XYLT1: variants seen among roughly 807,000 people sequenced by gnomAD.
The protein encoded by XYLT1 is xylosyltransferase 1, also known as beta-D-xylosyltransferase 1.
Under a neutral mutation model 91.3 loss-of-function variants are expected in XYLT1, and 36 were observed. The observed-to-expected ratio is 0.39, with a 90% CI of 0.30 to 0.52. The LOEUF (loss-of-function observed/expected upper bound fraction) is 0.52. Among genes scored for constraint, XYLT1 ranks in the 20% least tolerant of loss-of-function variants. The pLI is 0.68. For missense variants in XYLT1, 1,242 were observed against 1,284.5 expected (o/e 0.97, Z 0.51); for synonymous variants, 588 against 532.0 (o/e 1.11, Z -1.45).
chr16:17,223,136 G>C (rs929846918), intron 3 of XYLT1, among the ~76,000 whole-genome samples: 3 of 152,040 alleles, frequency 2.0e-5, no homozygotes, highest in African/African-American at 7.2e-5. Flanking sequence ...AGACTAACCT[G>C]TCAGCCAGTA....
intron 2 of XYLT1, among the ~76,000 whole-genome samples, chr16:17,286,300 G>A (rs2034139858): frequency 6.6e-6 from 1 of 152,140 alleles, no homozygotes; most frequent in Non-Finnish European, 1.5e-5. Flanking sequence ...GTGGGTGGGA[G>A]GCTGGGGAGG....
At chr16:17,360,497 C>T (rs908058532) in intron 1 of XYLT1, among the ~76,000 whole-genome samples, 5 of 152,174 alleles carry the variant, frequency 3.3e-5, no homozygotes, top group Admixed American at 6.5e-5. Flanking sequence ...AGCACAAATG[C>T]TATCTATTTA....
intron 2 of XYLT1, among the ~76,000 whole-genome samples, chr16:17,318,979 G>T (rs990463655): frequency 3.3e-5 from 5 of 151,912 alleles, no homozygotes; most frequent in African/African-American, 1.2e-4. Flanking sequence ...GTAGAGACAG[G>T]GTTTCACCAT....
At position 17,432,952 on chromosome 16, in the gene XYLT1, T is replaced by A. The variant is rs1596543030; in HGVS notation, c.363+37482A>T. ...GATGAATTCATCTGTGGTCAGAGCA[T>A]CACTCGGGCAGAGACGGGCAGTGCC... On this transcript the variant is annotated intron_variant, in intron 1 of 11. Transcript: ENST00000261381. Among the ~76,000 whole-genome samples the A allele has an allele frequency of 2.0e-5, 3 of 152,100 alleles. No homozygotes were observed. The South Asian group carries it at 6.3e-4, about 32-fold the overall frequency.
At position 17,117,976 on chromosome 16, in the gene XYLT1, C is replaced by T. The variant is rs770314311; in HGVS notation, c.2227G>A (p.Gly743Ser). Residue 743 changes from glycine (G) to serine (S), a missense_variant, in exon 11 of 12, where the codon GGC becomes AGC. By Grantham distance (56) the Gly-to-Ser change is moderately conservative. Transcript: ENST00000261381. ...CTCTCCTTGGCATCCCAGTCAGTGC[C>T]GACCTGAAACAGGGGAGTGAATTCT... is the stretch of plus-strand genomic sequence containing the variant. The part of the protein sequence containing the change: ...DFGRLQFSEV[G>S]TDWDAKERLF... The T allele has an allele frequency of 1.2e-5, 19 of 1,606,848 alleles. No homozygotes were observed. Among genetic ancestry groups the T allele is most frequent in the South Asian group, 7.7e-5 (7 of 90,602 alleles).
chr16:17,383,933 A>C lies in XYLT1; in HGVS notation c.364-25883T>G, dbSNP rs143116596. On this transcript the variant is annotated intron_variant, in intron 1 of 11. Coordinates refer to ENST00000261381, the MANE Select transcript of XYLT1 (RefSeq NM_022166.4). ...TGGCTAATTTTTGTATTTTTAGTAG[A>C]GACAGGGTTTCGCCATGTGGGCCAG... Among the ~76,000 whole-genome samples the C allele has an allele frequency of 9.9e-4, 151 of 151,826 alleles. 1 individual carries two copies. The highest frequency in any genetic ancestry group is 3.5e-3 in the African/African-American group (146 of 41,514).
chr16:17,427,964 C>T (rs573401804), intron 1 of XYLT1, among the ~76,000 whole-genome samples: 23 of 152,076 alleles, frequency 1.5e-4, no homozygotes, highest in African/African-American at 4.8e-4. Flanking sequence ...ACAGTACTAC[C>T]GGAGAGGCGG....
At chr16:17,331,911 C>T (rs2034903726) in intron 2 of XYLT1, among the ~76,000 whole-genome samples, 1 of 152,230 alleles carries the variant, frequency 6.6e-6, no homozygotes, top group Non-Finnish European at 1.5e-5. Context: ...GGTCCTCTAG[C>T]CAGACAGCCT....
At chr16:17,460,209 C>T (rs2036799378) in intron 1 of XYLT1, among the ~76,000 whole-genome samples, 1 of 152,148 alleles carries the variant, frequency 6.6e-6, no homozygotes, top group African/African-American at 2.4e-5. Context: ...TCTAAAGACT[C>T]CCAACTTCCC....
At chr16:17,419,738 A>G (rs2036227320) in intron 1 of XYLT1, among the ~76,000 whole-genome samples, 1 of 152,178 alleles carries the variant, frequency 6.6e-6, no homozygotes, top group Non-Finnish European at 1.5e-5. Flanking sequence ...AAACAAAACA[A>G]AAAACACTTA....
chr16:17,379,761 TCTCACACACACACACACA>T (rs1401709500), intron 1 of XYLT1, among the ~76,000 whole-genome samples: 90 of 117,734 alleles, frequency 7.6e-4, no homozygotes, highest in African/African-American at 3.4e-3. Flanking sequence ...TCTCTCTCTC[TCTCACACACACACACACA>T]CACACACACA....
At chr16:17,460,110 C>T (rs1424802520) in intron 1 of XYLT1, among the ~76,000 whole-genome samples, 1 of 152,142 alleles carries the variant, frequency 6.6e-6, no homozygotes, top group Non-Finnish European at 1.5e-5. Context: ...CAAAAAGACA[C>T]AGAGATGAAA....
chr16:17,125,372 T>C (rs1284806182), intron 10 of XYLT1, among the ~76,000 whole-genome samples: 3 of 152,154 alleles, frequency 2.0e-5, no homozygotes, highest in Admixed American at 2.0e-4. Flanking sequence ...CCTCTATCTT[T>C]CCATTGCATT....
intron 2 of XYLT1, among the ~76,000 whole-genome samples, chr16:17,265,406 T>C (rs2033790105): frequency 6.6e-6 from 1 of 152,232 alleles, no homozygotes; most frequent in Non-Finnish European, 1.5e-5. Flanking sequence ...TCATCTTCTC[T>C]ACTCTTCATC....
chr16:17,468,898 T>G (rs184958944), intron 1 of XYLT1, among the ~76,000 whole-genome samples: 2 of 152,106 alleles, frequency 1.3e-5, no homozygotes, highest in African/African-American at 2.4e-5. Flanking sequence ...GAACTTCTAA[T>G]TGCATTTCTG....
At chr16:17,376,709 C>A (rs1429663407) in intron 1 of XYLT1, among the ~76,000 whole-genome samples, 1 of 151,810 alleles carries the variant, frequency 6.6e-6, no homozygotes, top group African/African-American at 2.4e-5. Flanking sequence ...CACCTGTAAT[C>A]CCAGCTACTT....
At chr16:17,413,863 A>T (rs1166760168) in intron 1 of XYLT1, among the ~76,000 whole-genome samples, 1 of 152,114 alleles carries the variant, frequency 6.6e-6, no homozygotes, top group Non-Finnish European at 1.5e-5. Flanking sequence ...CCCAGAGTCT[A>T]TACCCCCTCA....
chr16:17,358,174 G>A, intron 1 of XYLT1, 124 bp from the exon 2 acceptor site: 1 of 981,698 alleles, frequency 1.0e-6, no homozygotes, highest in Non-Finnish European at 1.5e-6. Context: ...TTGTTGCCCA[G>A]GCTGGAGAGC....
chr16:17,134,808 A>G, intron 8 of XYLT1, 73 bp from the exon 9 acceptor site: 6 of 1,562,530 alleles, frequency 3.8e-6, no homozygotes, highest in Non-Finnish European at 5.2e-6. Flanking sequence ...CTAAGGGCAT[A>G]TCCTGTGGTT....
Sources: allele counts gnomAD v4.1 joint callset (sites outside exome capture counted in the v4.1 genomes callset), GRCh38; gene constraint gnomAD v4.1.1; transcripts MANE v1.5; gene names NCBI Gene and HGNC (gene_info 2026-07-23, HGNC 2026-07-21).